The following PPARGC1A variants were observed in gnomAD, a reference collection of about 807,000 sequenced individuals.
The protein encoded by PPARGC1A is peroxisome proliferator-activated receptor gamma coactivator 1-alpha.
In PPARGC1A, 25 loss-of-function variants were observed where a neutral mutation model predicts 88.7. The ratio of observed to expected loss-of-function variants is 0.28; its 90% CI spans 0.21 to 0.39. The LOEUF (loss-of-function observed/expected upper bound fraction) is 0.39. Among genes scored for constraint, PPARGC1A ranks in the 10% least tolerant of loss-of-function variants. The pLI, the probability that PPARGC1A is intolerant of heterozygous loss-of-function variation, is 1.00. For missense variants in PPARGC1A, 880 were observed against 968.7 expected, an observed-to-expected ratio of 0.91 and a Z score of 1.22; for synonymous variants, 363 against 355.6, an observed-to-expected ratio of 1.02 and a Z score of -0.24.
Position 23,867,265 on chromosome 4 carries a change from C to A in PPARGC1A, c.234+17487G>T, listed in dbSNP as rs61029090. ...TAGTTGCCGAAGTCTGTCTTTCTCACTAGCCAACCAACTCCTGAAGGGAAA... is the reference window on the plus strand; with the variant it reads ...TAGTTGCCGAAGTCTGTCTTTCTCAATAGCCAACCAACTCCTGAAGGGAAA... On this transcript the variant is annotated intron_variant, in intron 2 of 12. Transcript: ENST00000264867. 8.1e-3 allele frequency among the ~76,000 whole-genome samples: 1,229 copies of A among 152,306 alleles called. 15 individuals carry two copies. Among genetic ancestry groups the A allele is most frequent in the African/African-American group, 0.028 (1,180 of 41,566 alleles).
chr4:23,835,848 C>A (rs1418680228), intron 2 of PPARGC1A, among the ~76,000 whole-genome samples: 1 of 152,082 alleles, frequency 6.6e-6, no homozygotes, highest in Non-Finnish European at 1.5e-5. Context: ...TGAGTTTCAA[C>A]AATCAAACAC....
the PPARGC1A span, among the ~76,000 whole-genome samples, chr4:24,052,954 C>T: frequency 1.3e-5 from 2 of 148,606 alleles, no homozygotes; most frequent in South Asian, 4.3e-4. Flanking sequence ...AGCTCCACCT[C>T]CCGGGTTCAT....
chr4:24,176,182 A>G, the PPARGC1A span, among the ~76,000 whole-genome samples: 3 of 152,308 alleles, frequency 2.0e-5, no homozygotes, highest in Middle Eastern at 6.8e-3. Flanking sequence ...CTTGTGTTGC[A>G]TAAAGATCTC....
At chr4:24,336,734 CTTTT>C in the PPARGC1A span, among the ~76,000 whole-genome samples, 4 of 151,982 alleles carry the variant, frequency 2.6e-5, no homozygotes, top group Non-Finnish European at 5.9e-5. Flanking sequence ...AGATAGCTGG[CTTTT>C]TGTTTTTTTT....
the PPARGC1A span, among the ~76,000 whole-genome samples, chr4:24,215,599 G>A: frequency 6.6e-6 from 1 of 152,032 alleles, no homozygotes; most frequent in African/African-American, 2.4e-5. Context: ...ACTTATTACG[G>A]AAGAAAATAA....
chr4:23,851,894 A>G (rs918702255), intron 2 of PPARGC1A, among the ~76,000 whole-genome samples: 7 of 152,194 alleles, frequency 4.6e-5, no homozygotes, highest in Non-Finnish European at 1.0e-4. Context: ...TAATGTGCAT[A>G]TGAATCACCT....
chr4:24,292,414 A>G, the PPARGC1A span, among the ~76,000 whole-genome samples: 1 of 151,586 alleles, frequency 6.6e-6, no homozygotes, highest in African/African-American at 2.4e-5. Context: ...ACTCCTAAAC[A>G]CACCCTTTCC....
chr4:23,994,009 T>C, the PPARGC1A span, among the ~76,000 whole-genome samples: 1 of 152,108 alleles, frequency 6.6e-6, no homozygotes, highest in Non-Finnish European at 1.5e-5. Flanking sequence ...TCTTCTGAGG[T>C]TAAACAAAGA....
chr4:24,460,509 T>A, the PPARGC1A span, among the ~76,000 whole-genome samples: 1 of 152,244 alleles, frequency 6.6e-6, no homozygotes, highest in Non-Finnish European at 1.5e-5. Context: ...AGCAGCCTGT[T>A]CTCTAGGACT....
the PPARGC1A span, among the ~76,000 whole-genome samples, chr4:24,134,524 C>T: frequency 6.6e-6 from 1 of 152,196 alleles, no homozygotes; most frequent in Non-Finnish European, 1.5e-5. Flanking sequence ...TTCCAGATGT[C>T]ATGAGAGTTT....
the PPARGC1A span, among the ~76,000 whole-genome samples, chr4:24,230,917 G>A: frequency 1.4e-5 from 2 of 143,726 alleles, no homozygotes; most frequent in African/African-American, 5.1e-5. Flanking sequence ...TCTCTGGTGA[G>A]AAGTAAGGAA....
At chr4:23,809,980 T>A (rs1720577526) in intron 10 of PPARGC1A, among the ~76,000 whole-genome samples, 1 of 152,220 alleles carries the variant, frequency 6.6e-6, no homozygotes, top group Non-Finnish European at 1.5e-5. Flanking sequence ...ATTGCCTGTT[T>A]GTGTATTTTT....
chr4:23,844,586 A>C (rs1347717648), intron 2 of PPARGC1A, among the ~76,000 whole-genome samples: 1 of 112,202 alleles, frequency 8.9e-6, no homozygotes, highest in East Asian at 2.3e-4. Context: ...GTTAATATAT[A>C]ATAATTATAA....
chr4:24,080,404 T>A, the PPARGC1A span, among the ~76,000 whole-genome samples: 1 of 152,038 alleles, frequency 6.6e-6, no homozygotes, highest in African/African-American at 2.4e-5. Flanking sequence ...TTATATTGAA[T>A]CAACTAACTC....
At chr4:23,856,853 C>T (rs67520752) in intron 2 of PPARGC1A, among the ~76,000 whole-genome samples, 28,812 of 151,440 alleles carry the variant, frequency 0.19, 3,273 homozygotes, top group Middle Eastern at 0.31. Context: ...TGTTGAACAC[C>T]TTCTCCCTGG....
chr4:24,336,828 T>A, the PPARGC1A span, among the ~76,000 whole-genome samples: 1 of 152,180 alleles, frequency 6.6e-6, no homozygotes, highest in Admixed American at 6.5e-5. Context: ...CTTGGGAGGC[T>A]AAGGAAGGAG....
At chr4:24,313,774 C>A in the PPARGC1A span, among the ~76,000 whole-genome samples, 448 of 152,146 alleles carry the variant, frequency 2.9e-3, 18 homozygotes, top group East Asian at 0.066. Flanking sequence ...GTCAAATGAA[C>A]CACCAATTTC....
At chr4:24,122,462 T>G in the PPARGC1A span, among the ~76,000 whole-genome samples, 2 of 136,406 alleles carry the variant, frequency 1.5e-5, no homozygotes, top group Admixed American at 1.4e-4. Flanking sequence ...GAGAGAGAGA[T>G]CTATATAAAT....
chr4:24,472,763 T>TGCGTGTGTGCGC, the PPARGC1A span, among the ~76,000 whole-genome samples: 2 of 151,896 alleles, frequency 1.3e-5, no homozygotes, highest in Admixed American at 1.3e-4. This position sits in a 1 kb window ranked among gnomAD's most constrained non-coding sequence, Gnocchi z 4.5. Flanking sequence ...CTGTGCCGGC[T>TGCGTGTGTGCGC]GCGTGTGTGC....
Sources: allele counts gnomAD v4.1 joint callset (sites outside exome capture counted in the v4.1 genomes callset), GRCh38; gene constraint gnomAD v4.1.1; non-coding constraint Gnocchi (gnomAD v3.1); transcripts MANE v1.5; gene names NCBI Gene and HGNC (gene_info 2026-07-23, HGNC 2026-07-21).